Variants in RALYL observed in about 807,000 individuals in gnomAD.
The protein encoded by RALYL is RNA-binding Raly-like protein.
RALYL carries 29 observed loss-of-function variants against 35.1 expected under a neutral mutation model. The observed-to-expected ratio is 0.83, with a 90% confidence interval of 0.61 to 1.13. RALYL has a LOEUF of 1.13. Among genes scored for constraint, RALYL ranks in the 50% most tolerant of loss-of-function variants. The probability of loss-of-function intolerance (pLI) is 0.00; values close to 1 mark genes in which losing one functional copy is unlikely to be tolerated. For missense variants in RALYL, 359 were observed against 360.4 expected (o/e 1.00, Z 0.03); for synonymous variants, 120 against 127.6 (o/e 0.94, Z 0.40).
At chr8:84,600,731 A>T (rs1815738246) in intron 2 of RALYL, among the ~76,000 whole-genome samples, 1 of 152,068 alleles carries the variant, frequency 6.6e-6, no homozygotes, top group Non-Finnish European at 1.5e-5. Context: ...TTTTATAGTC[A>T]TTTTCTTTTT....
In RALYL at chr8:84,841,784, C is replaced by T. The variant is rs564258916; in HGVS notation, c.366-8196C>T. ...ACAAACTATCTCTCAGACCACAGTG[C>T]AATCAAACTAGAACTCAGGATTAAG... is the stretch of plus-strand genomic sequence containing the variant. On this transcript the variant is annotated intron_variant, in intron 4 of 8. Transcript: ENST00000521268. Among the ~76,000 whole-genome samples, 7 of 152,344 alleles carry T rather than the reference C, an allele frequency of 4.6e-5. No homozygotes were observed. The East Asian group carries it at 7.7e-4, about 17-fold the overall frequency.
intron 1 of RALYL, among the ~76,000 whole-genome samples, chr8:84,330,899 A>G (rs950480174): frequency 2.0e-5 from 3 of 152,048 alleles, no homozygotes; most frequent in African/African-American, 7.2e-5. Flanking sequence ...CTTCTAGAAA[A>G]CTGCATTATG....
chr8:84,307,359 T>C (rs1380189778), intron 1 of RALYL, among the ~76,000 whole-genome samples: 1 of 152,146 alleles, frequency 6.6e-6, no homozygotes, highest in South Asian at 2.1e-4. Context: ...GGATCTTTTA[T>C]GAATATCATG....
At chr8:84,250,492 A>C (rs377440803) in intron 1 of RALYL, among the ~76,000 whole-genome samples, 1 of 152,000 alleles carries the variant, frequency 6.6e-6, no homozygotes, top group Non-Finnish European at 1.5e-5. Flanking sequence ...CAGCCTCCTG[A>C]GTAGCTGGGA....
At chr8:84,717,046 G>A (rs113245364) in intron 2 of RALYL, among the ~76,000 whole-genome samples, 662 of 152,248 alleles carry the variant, frequency 4.3e-3, no homozygotes, top group African/African-American at 0.015. Flanking sequence ...AATTAGCCAT[G>A]CATGATGGCA....
At chr8:84,678,412 C>A (rs528478184) in intron 2 of RALYL, among the ~76,000 whole-genome samples, 1 of 151,950 alleles carries the variant, frequency 6.6e-6, no homozygotes, top group Non-Finnish European at 1.5e-5. Context: ...TTTAGGTATG[C>A]ACCACCACAC....
intron 1 of RALYL, among the ~76,000 whole-genome samples, chr8:84,308,160 C>CA (rs1250288095): frequency 8.1e-5 from 12 of 148,248 alleles, no homozygotes; most frequent in South Asian, 2.2e-4. Context: ...AGATTCTACA[C>CA]GGAAAAAAAA....
At chr8:84,425,219 C>A (rs576212213) in intron 1 of RALYL, among the ~76,000 whole-genome samples, 1 of 152,266 alleles carries the variant, frequency 6.6e-6, no homozygotes, top group East Asian at 1.9e-4. Context: ...GGGCATAGGA[C>A]CCTCCGAGCC....
intron 1 of RALYL, among the ~76,000 whole-genome samples, chr8:84,244,908 AC>A (rs1456408041): frequency 6.6e-6 from 1 of 152,200 alleles, no homozygotes; most frequent in Non-Finnish European, 1.5e-5. Flanking sequence ...GGCAGAAGAC[AC>A]AAGATTCCTG....
At chr8:84,309,181 TAAAC>T (rs904846277) in intron 1 of RALYL, among the ~76,000 whole-genome samples, 14 of 151,298 alleles carry the variant, frequency 9.3e-5, no homozygotes, top group African/African-American at 3.1e-4. Context: ...ATGATAGATT[TAAAC>T]AAACAAAATT....
intron 1 of RALYL, among the ~76,000 whole-genome samples, chr8:84,258,174 G>T (rs1831546045): frequency 6.6e-6 from 1 of 151,984 alleles, no homozygotes; most frequent in Admixed American, 6.6e-5. Flanking sequence ...GTGGTGGTGG[G>T]GTTTACTTGT....
chr8:84,913,047 GA>G lies in RALYL; in HGVS notation c.859-7846del, dbSNP rs1563856780. Among the ~76,000 whole-genome samples, 315 of 150,094 alleles carry G rather than the reference GA, an allele frequency of 2.1e-3. 1 individual carries two copies. The highest frequency in any genetic ancestry group is 4.5e-3 in the African/African-American group (185 of 40,918). On this transcript the variant is annotated intron_variant, in intron 8 of 8. Transcript: ENST00000521268. ...GGATGGATGGATAGGTAGGTAGATA[GA>G]TAGATAGATAGATAGATAGATAGAT...
chr8:84,539,234 C>T (rs2059823838), intron 2 of RALYL, among the ~76,000 whole-genome samples: 1 of 151,974 alleles, frequency 6.6e-6, no homozygotes, highest in African/African-American at 2.4e-5. Context: ...AGAATAGGGC[C>T]CACCTCATAG....
chr8:84,772,379 G>C (rs1438268170), intron 2 of RALYL, among the ~76,000 whole-genome samples: 1 of 151,814 alleles, frequency 6.6e-6, no homozygotes, highest in African/African-American at 2.4e-5. Context: ...TCAAGCTTCA[G>C]GCATATACAT....
intron 1 of RALYL, among the ~76,000 whole-genome samples, chr8:84,406,836 A>T (rs1390728029): frequency 6.6e-6 from 1 of 152,102 alleles, no homozygotes; most frequent in Non-Finnish European, 1.5e-5. Context: ...GGGTGATTAC[A>T]CTGTCAAAAC....
intron 1 of RALYL, among the ~76,000 whole-genome samples, chr8:84,429,481 G>T (rs1264638801): frequency 7.6e-6 from 1 of 131,006 alleles, no homozygotes; most frequent in Non-Finnish European, 1.7e-5. Context: ...TTTTTAAAAT[G>T]CTTTTTCCAG....
intron 5 of RALYL, among the ~76,000 whole-genome samples, chr8:84,859,567 C>T (rs1267752744): frequency 2.6e-5 from 4 of 152,142 alleles, no homozygotes; most frequent in African/African-American, 9.7e-5. Flanking sequence ...GAAAGTCATC[C>T]AGCCAGGCTT....
At chr8:84,843,184 T>C (rs866520680) in intron 4 of RALYL, among the ~76,000 whole-genome samples, 11 of 152,202 alleles carry the variant, frequency 7.2e-5, no homozygotes, top group South Asian at 6.2e-4. Context: ...ATTGTCCCTG[T>C]TTGCAGATGA....
At chr8:84,840,799 TG>T (rs1185337120) in intron 4 of RALYL, among the ~76,000 whole-genome samples, 3 of 151,924 alleles carry the variant, frequency 2.0e-5, no homozygotes, top group African/African-American at 7.3e-5. Flanking sequence ...CAGAAGAGAG[TG>T]GGGGCCAATA....
Sources: allele counts gnomAD v4.1 joint callset (sites outside exome capture counted in the v4.1 genomes callset), GRCh38; gene constraint gnomAD v4.1.1; transcripts MANE v1.5; gene names NCBI Gene and HGNC (gene_info 2026-07-23, HGNC 2026-07-21).